The following SNED1 variants were observed in gnomAD, a reference collection of about 807,000 sequenced individuals.
SNED1 encodes the protein sushi, nidogen and EGF like domains 1.
SNED1 carries 81 observed loss-of-function variants against 166.7 expected under a neutral mutation model. The ratio of observed to expected loss-of-function variants is 0.49; its 90% confidence interval spans 0.41 to 0.58. The LOEUF (loss-of-function observed/expected upper bound fraction) is 0.58. SNED1 is among the 20% of genes least tolerant of loss of function. The pLI is 0.00. For missense variants in SNED1, 1,604 were observed against 2,000.2 expected, an observed-to-expected ratio of 0.80 and a Z score of 3.78; for synonymous variants, 762 against 822.0, an observed-to-expected ratio of 0.93 and a Z score of 1.25.
intron 6 of SNED1, 67 bp from the exon 7 acceptor site, chr2:241,040,008 G>A: frequency 7.9e-7 from 1 of 1,266,628 alleles, no homozygotes; most frequent in African/African-American, 1.5e-5. Flanking sequence ...TACGTCCCAG[G>A]GGTTTCTGTC....
chr2:241,056,472 G>C (rs1236955965), intron 16 of SNED1, among the ~76,000 whole-genome samples: 1 of 139,794 alleles, frequency 7.2e-6, no homozygotes, highest in South Asian at 2.3e-4. Flanking sequence ...GGATACAACA[G>C]AAGAAAAAAA....
intron 16 of SNED1, among the ~76,000 whole-genome samples, chr2:241,060,735 C>G (rs1043099571): frequency 1.1e-4 from 17 of 151,934 alleles, no homozygotes; most frequent in African/African-American, 2.9e-4. Flanking sequence ...TTGAGCCCAG[C>G]CTGTGCAGCA....
At chr2:241,070,272 C>G (rs2062642757) in intron 24 of SNED1, 71 bp downstream of exon 24, 1 of 1,471,730 alleles carries the variant, frequency 6.8e-7, no homozygotes, top group Non-Finnish European at 9.1e-7. Flanking sequence ...CAGGACTGAC[C>G]TGGCCCTGCA....
chr2:241,030,436 C>T lies in SNED1; in HGVS notation c.366C>T (p.Thr122=), dbSNP rs375312140. 19 of 1,613,426 alleles carry T rather than the reference C, an allele frequency of 1.2e-5. No homozygotes were observed. Among genetic ancestry groups the T allele is most frequent in the African/African-American group, 4.0e-5 (3 of 74,938 alleles). ...RAGDVYYREA[T]DPAMLRRATE... Reference sequence around the variant, plus strand: ...GCGACGTGTACTACCGGGAGGCCACCGACCCAGCCATGCTGCGCCGAGCCA... The same window carrying T: ...GCGACGTGTACTACCGGGAGGCCACTGACCCAGCCATGCTGCGCCGAGCCA... Residue 122 remains threonine (T), a synonymous_variant, in exon 2 of 32, where the codon ACC becomes ACT. Coordinates refer to ENST00000310397, the MANE Select transcript of SNED1 (RefSeq NM_001080437.3).
chr2:241,005,792 C>A (rs1485487250), intron 1 of SNED1, among the ~76,000 whole-genome samples: 2 of 152,042 alleles, frequency 1.3e-5, no homozygotes, highest in Non-Finnish European at 2.9e-5. Flanking sequence ...TCCGCATATG[C>A]ATCTTTTTTC....
At chr2:241,038,174 C>T (rs369001743) in intron 6 of SNED1, among the ~76,000 whole-genome samples, 24 of 152,302 alleles carry the variant, frequency 1.6e-4, no homozygotes, top group African/African-American at 5.5e-4. Flanking sequence ...GCTCCCCACC[C>T]AGCTCAGCCA....
In SNED1 at chr2:241,053,144, GC is replaced by G. The variant is rs2061934270; in HGVS notation, c.2084-7del. 9 of 1,607,116 alleles carry G rather than the reference GC, an allele frequency of 5.6e-6. No homozygotes were observed. Among genetic ancestry groups the G allele is most frequent in the Non-Finnish European group, 7.6e-6 (9 of 1,178,028 alleles). ...AGGACCGTGCGAGACAGGCTGCCGT[GC>G]CTTGCAGAGGTGGACTGCGGCCCCC... On this transcript the variant is annotated splice_region_variant and splice_polypyrimidine_tract_variant and intron_variant, in intron 15 of 31. Transcript: ENST00000310397.
chr2:241,027,927 G>A (rs977252690), intron 1 of SNED1, among the ~76,000 whole-genome samples: 1 of 151,946 alleles, frequency 6.6e-6, no homozygotes, highest in African/African-American at 2.4e-5. Flanking sequence ...TAGAGACAGG[G>A]TTTCACCATG....
At chr2:241,089,184 T>C in intron 31 of SNED1, 1 of 1,050,434 alleles carries the variant, frequency 9.5e-7, no homozygotes. Flanking sequence ...AGTTTCATAC[T>C]GACCATCATT....
In SNED1 at chr2:241,094,650, A is replaced by G. The variant is rs2064272104; in HGVS notation, c.*3014A>G. The stretch of plus-strand genomic sequence containing the variant: ...ACATTACTGTTGTGGACCAGGCCTT[A>G]GATGAGTTTCTCAGGCTCAGCACTG... On this transcript the variant is annotated 3_prime_UTR_variant, in exon 32 of 32. Transcript: ENST00000310397. This position sits in a 1 kb window ranked among gnomAD's most constrained non-coding sequence, Gnocchi z 4.3. 1 of 329,810 alleles carries G rather than the reference A, an allele frequency of 3.0e-6. No individual in the cohort carries two copies. Among genetic ancestry groups the G allele is most frequent in the Admixed American group, 4.2e-5 (1 of 23,570 alleles). 20.4% of individuals were successfully genotyped at this position (329,810 alleles called of 1,614,324 possible).
intron 9 of SNED1, 105 bp from the exon 10 acceptor site, chr2:241,048,557 C>T: frequency 6.7e-7 from 1 of 1,495,354 alleles, no homozygotes; most frequent in Non-Finnish European, 9.1e-7. Context: ...TGCGCGTCCA[C>T]TGCAATTTGT....
Position 241,073,846 on chromosome 2 carries a change from T to C in SNED1, c.3916+482T>C, listed in dbSNP as rs908152362. 5.1e-6 allele frequency: 1 copy of C among 197,586 alleles called. No homozygotes were observed. The highest frequency in any genetic ancestry group is 2.3e-5 in the African/African-American group (1 of 43,230). 12.2% of individuals were successfully genotyped at this position (197,586 alleles called of 1,614,324 possible). On this transcript the variant is annotated intron_variant, in intron 27 of 31. Transcript: ENST00000310397. The surrounding 1 kb of genome is among the most constrained non-coding windows in gnomAD (Gnocchi z 6.6). ...ATGCAGGACCTGAACTGTCTCCTAG[T>C]CCGGGGCTCTGCCTCGTGAGGATCG...
chr2:241,068,367 C>A lies in SNED1; in HGVS notation c.3194+420C>A, dbSNP rs1480627759. 2.0e-5 allele frequency among the ~76,000 whole-genome samples: 3 copies of A among 151,084 alleles called. No individual in the cohort carries two copies. The East Asian group carries it at 5.8e-4, about 29-fold the overall frequency. On this transcript the variant is annotated intron_variant, in intron 22 of 31. Coordinates refer to ENST00000310397, the MANE Select transcript of SNED1 (RefSeq NM_001080437.3). This position sits in a 1 kb window ranked among gnomAD's most constrained non-coding sequence, Gnocchi z 5.3. ...GGCCAGCGAGGGTAGATGGTAGCAG[C>A]CCCGAGCTCTCCCAGGAGTCCCACA...
Position 241,086,948 on chromosome 2 carries a change from G to A in SNED1, c.4122-444G>A, listed in dbSNP as rs141187609. ...AATGGAAGAGGCAGGAGATGAAATC[G>A]GGTCTCCTGTTCTACAATGCCTACA... On this transcript the variant is annotated intron_variant, in intron 29 of 31. Transcript: ENST00000310397. 9.6e-3 allele frequency: 1,480 copies of A among 154,806 alleles called. 20 individuals are homozygous for A. The highest frequency in any genetic ancestry group is 0.033 in the African/African-American group (1,363 of 41,648). The allele number at this position is 154,806 out of a possible 1,614,324, so 9.6% of individuals were successfully genotyped here. A position where few individuals can be genotyped will look rare whatever the true frequency, so the allele number is the denominator to read the frequency against.
intron 27 of SNED1, 43 bp from the exon 28 acceptor site, chr2:241,081,634 C>A: frequency 4.9e-6 from 7 of 1,427,550 alleles, no homozygotes; most frequent in Non-Finnish European, 6.8e-6. Context: ...GCAGGCCTGT[C>A]CTGGGGTTCC....
At chr2:241,087,706 G>T (rs1214909681) in intron 30 of SNED1, 17 of 1,361,308 alleles carry the variant, frequency 1.2e-5, no homozygotes, top group Middle Eastern at 2.7e-4. Context: ...GCTGGGGGGG[G>T]TCACTCTGGT....
At position 241,064,782 on chromosome 2, in the gene SNED1, G is replaced by C. The variant is rs2286319; in HGVS notation, c.2600-62G>C. The C allele has an allele frequency of 0.51, 621,784 of 1,227,292 alleles. 162,548 individuals carry two copies. Among genetic ancestry groups the C allele is most frequent in the African/African-American group, 0.79 (49,715 of 62,680 alleles). The allele number at this position is 1,227,292 out of a possible 1,614,324, so 76.0% of individuals were successfully genotyped here. On this transcript the variant is annotated intron_variant, in intron 19 of 31. Coordinates refer to ENST00000310397, the MANE Select transcript of SNED1 (RefSeq NM_001080437.3). The surrounding 1 kb of genome is among the most constrained non-coding windows in gnomAD (Gnocchi z 7.0). ...GACCCAGTGCCCCAGGAGCAAGGGC[G>C]GGGCTGGAGCAGGGACCCCTGGCCA...
intron 1 of SNED1, among the ~76,000 whole-genome samples, chr2:241,004,029 G>A (rs1357071991): frequency 2.6e-5 from 4 of 152,288 alleles, no homozygotes; most frequent in African/African-American, 9.6e-5. Context: ...TGAGGAAGGA[G>A]AGAAGCTGAT....
intron 8 of SNED1, among the ~76,000 whole-genome samples, chr2:241,044,716 G>A (rs771709952): frequency 4.1e-4 from 63 of 152,108 alleles, no homozygotes; most frequent in African/African-American, 1.4e-3. Context: ...CTTAAACTGC[G>A]AAGGAAGAAA....
Sources: allele counts gnomAD v4.1 joint callset (sites outside exome capture counted in the v4.1 genomes callset), GRCh38; gene constraint gnomAD v4.1.1; non-coding constraint Gnocchi (gnomAD v3.1); transcripts MANE v1.5; gene names NCBI Gene and HGNC (gene_info 2026-07-23, HGNC 2026-07-21).